IARS1: variants seen among roughly 807,000 people sequenced by gnomAD.
IARS1 encodes the protein isoleucyl-tRNA synthetase 1, also known as isoleucine--tRNA ligase, cytoplasmic.
A neutral mutation model predicts 168.2 loss-of-function variants in IARS1; 124 were observed. That is an observed-to-expected ratio of 0.74 (90% CI 0.64 to 0.86). IARS1 has a LOEUF of 0.86. IARS1 is among the 40% of genes least tolerant of loss of function. The pLI, the probability that IARS1 is intolerant of heterozygous loss-of-function variation, is 0.00. For missense variants in IARS1, 1,452 were observed against 1,515.8 expected (o/e 0.96, Z 0.70); for synonymous variants, 532 against 529.4 (o/e 1.00, Z -0.07).
rs1835755070 is a variant in IARS1, at chr9:92,288,200, C to T, written c.202G>A (p.Val68Ile). ...CCACTCTGGTGAGCATATCTTGTAA[C>T]TATATCTTTAATTGTACCCGCAAGT... Reference protein sequence around the residue: ...HILAGTIKDIVTRYAHQSGFH... With the variant: ...HILAGTIKDIITRYAHQSGFH... The change falls in exon 3 of 34, where the codon GTT (valine) becomes ATT (isoleucine). Residue 68 changes from valine to isoleucine, a missense_variant. Physicochemically the swap from Val to Ile is conservative, Grantham distance 29. Transcript: ENST00000443024. 1.9e-6 allele frequency: 3 copies of T among 1,614,070 alleles called. No individual in the cohort carries two copies. The highest frequency in any genetic ancestry group is 1.7e-4 in the Middle Eastern group (1 of 6,060).
In IARS1 at chr9:92,250,192, T is replaced by C; in HGVS notation, c.2527A>G (p.Ile843Val). Residue 843 changes from isoleucine to valine, a missense_variant, in exon 24 of 34, where the codon ATA becomes GTA. Physicochemically the swap from Ile to Val is conservative, Grantham distance 29. Coordinates refer to ENST00000443024, the MANE Select transcript of IARS1 (RefSeq NM_002161.6). ...ATAGAAGTAAAATTTCAAACCTTTATGGGAATAGTTTTTCGGTCTCTGATC... is the reference window on the plus strand; with the variant it reads ...ATAGAAGTAAAATTTCAAACCTTTACGGGAATAGTTTTTCGGTCTCTGATC... Reference protein sequence around the residue: ...RVIRDRKTIPIKYPLKEIVVI... With the variant: ...RVIRDRKTIPVKYPLKEIVVI... The C allele has an allele frequency of 2.5e-6, 4 of 1,595,462 alleles. No homozygotes were observed. The highest frequency in any genetic ancestry group is 3.4e-6 in the Non-Finnish European group (4 of 1,163,104).
chr9:92,227,721 C>T (rs1269093007), intron 31 of IARS1, among the ~76,000 whole-genome samples: 1 of 150,970 alleles, frequency 6.6e-6, no homozygotes, highest in African/African-American at 2.4e-5. Context: ...GAGGCGCTCC[C>T]CACATCTCAG....
chr9:92,238,948 C>T (rs1011344092), intron 30 of IARS1, among the ~76,000 whole-genome samples: 1 of 152,106 alleles, frequency 6.6e-6, no homozygotes, highest in Admixed American at 6.6e-5. Flanking sequence ...CCAACTTTAC[C>T]ACAGGAGTTA....
rs752769926 is a variant in IARS1 at position 92,250,841 on chromosome 9, G to A, written c.2308-7C>T. 31 of 1,595,526 alleles carry A rather than the reference G, an allele frequency of 1.9e-5. No individual in the cohort carries two copies. Among genetic ancestry groups the A allele is most frequent in the Non-Finnish European group, 2.6e-5 (31 of 1,172,162 alleles). On this transcript the variant is annotated splice_region_variant and splice_polypyrimidine_tract_variant and intron_variant, in intron 22 of 33. Transcript: ENST00000443024. Reference sequence around the variant, plus strand: ...GAAAAGGTGTGTAGGGAGCCTGTATGAAGACACAGGACATCATGTCAGTTA... The same window carrying A: ...GAAAAGGTGTGTAGGGAGCCTGTATAAAGACACAGGACATCATGTCAGTTA...
chr9:92,227,158 A>G (rs1292274216), intron 31 of IARS1, among the ~76,000 whole-genome samples: 1 of 138,092 alleles, frequency 7.2e-6, no homozygotes, highest in East Asian at 2.1e-4. Context: ...AAGGCAGAAG[A>G]ATTTTTCTTA....
intron 9 of IARS1, among the ~76,000 whole-genome samples, 182 bp downstream of exon 9, chr9:92,277,681 A>T (rs1394524714): frequency 3.3e-5 from 5 of 152,082 alleles, no homozygotes; most frequent in Admixed American, 6.6e-5. Flanking sequence ...TTTTAAAAAA[A>T]AAAAAAAAAA....
At chr9:92,276,863 G>C (rs141843845) in intron 9 of IARS1, among the ~76,000 whole-genome samples, 7 of 152,270 alleles carry the variant, frequency 4.6e-5, no homozygotes, top group Middle Eastern at 3.4e-3. Flanking sequence ...TGTAGCTGTG[G>C]ATTCTCCACT....
intron 25 of IARS1, among the ~76,000 whole-genome samples, chr9:92,247,932 T>A (rs1402372899): frequency 6.6e-6 from 1 of 152,244 alleles, no homozygotes; most frequent in Non-Finnish European, 1.5e-5. Context: ...GGTTTGTGAA[T>A]GTTAATGAAT....
intron 6 of IARS1, among the ~76,000 whole-genome samples, chr9:92,283,286 A>T (rs1338975302): frequency 6.6e-6 from 1 of 152,222 alleles, no homozygotes; most frequent in African/African-American, 2.4e-5. Context: ...GAAAAGCCTA[A>T]AATATTTAAT....
intron 19 of IARS1, among the ~76,000 whole-genome samples, chr9:92,257,936 G>A (rs927301714): frequency 1.3e-5 from 2 of 152,160 alleles, no homozygotes; most frequent in Non-Finnish European, 2.9e-5. Context: ...TCAGTTGTGG[G>A]GCATGGAAGG....
At chr9:92,233,123 C>T (rs1269506025) in intron 30 of IARS1, among the ~76,000 whole-genome samples, 1 of 152,182 alleles carries the variant, frequency 6.6e-6, no homozygotes, top group Non-Finnish European at 1.5e-5. Flanking sequence ...GTTAGATCTG[C>T]ATGGGAAGCG....
rs1007644322 is a variant in IARS1 at position 92,259,328 on chromosome 9, C to T, written c.1872-330G>A. ...GGCTGGCCTGGTCCTCGTCAAGAGCCACTGTGTCCTTCCCACGGACACGAC... is the reference window on the plus strand; with the variant it reads ...GGCTGGCCTGGTCCTCGTCAAGAGCTACTGTGTCCTTCCCACGGACACGAC... On this transcript the variant is annotated intron_variant, in intron 18 of 33. Transcript: ENST00000443024. Among the ~76,000 whole-genome samples, 13 of 152,168 alleles carry T rather than the reference C, an allele frequency of 8.5e-5. 1 individual carries two copies. Among genetic ancestry groups the T allele is most frequent in the Admixed American group, 7.2e-4 (11 of 15,282 alleles).
chr9:92,261,074 C>A (rs867826007), intron 17 of IARS1, among the ~76,000 whole-genome samples: 1 of 151,986 alleles, frequency 6.6e-6, no homozygotes, highest in Non-Finnish European at 1.5e-5. Context: ...TTTGGGAGGC[C>A]GAGGCAGGTG....
rs763501764 is a variant in IARS1, at chr9:92,274,463, CCTT to C, written c.950_952del (p.Glu317del). 44 of 1,613,792 alleles carry C rather than the reference CCTT, an allele frequency of 2.7e-5. No individual in the cohort carries two copies. The highest frequency in any genetic ancestry group is 2.7e-5 in the African/African-American group (2 of 74,910). On this transcript the variant is annotated inframe_deletion, in exon 10 of 34. Transcript: ENST00000443024. ...AGGAGCTTGGTGGACAACCCCTGTG[CCTT>C]CTTCTTCCTTCACATAGTTGTCAAC... is the stretch of plus-strand genomic sequence containing the variant.
At chr9:92,215,669 T>A (rs1838547336) in intron 33 of IARS1, among the ~76,000 whole-genome samples, 1 of 151,792 alleles carries the variant, frequency 6.6e-6, no homozygotes. Flanking sequence ...AGAAAGAATA[T>A]CAGCGATGGA....
intron 6 of IARS1, among the ~76,000 whole-genome samples, chr9:92,282,618 A>G (rs1315746359): frequency 6.6e-6 from 1 of 152,000 alleles, no homozygotes; most frequent in Non-Finnish European, 1.5e-5. Context: ...AAAGATAAAA[A>G]AATTTTCTGG....
chr9:92,223,240 T>C (rs1224259676), intron 32 of IARS1, 106 bp downstream of exon 32: 12 of 1,089,302 alleles, frequency 1.1e-5, no homozygotes, highest in African/African-American at 1.6e-5. Context: ...GCCCACACTT[T>C]AAAGCAATAC....
chr9:92,234,646 G>A (rs1827214021), intron 30 of IARS1, among the ~76,000 whole-genome samples: 1 of 152,168 alleles, frequency 6.6e-6, no homozygotes, highest in Non-Finnish European at 1.5e-5. Flanking sequence ...AGGGTAACCT[G>A]AGACAGCCAG....
intron 33 of IARS1, among the ~76,000 whole-genome samples, chr9:92,213,084 TAACA>T (rs1424316978): frequency 1.3e-5 from 2 of 151,796 alleles, no homozygotes; most frequent in African/African-American, 4.8e-5. Context: ...CTTTAGTATT[TAACA>T]TCATGACAGA....
Sources: gnomAD v4.1 joint callset for allele counts (sites outside exome capture counted in the v4.1 genomes callset) on GRCh38, gnomAD v4.1.1 for gene constraint, MANE v1.5 for transcripts, NCBI Gene and HGNC (gene_info 2026-07-23, HGNC 2026-07-21) for gene names.